The following TMC1 variants were observed in gnomAD, a reference collection of about 807,000 sequenced individuals.
TMC1 encodes the protein transmembrane channel-like protein 1.
Under a neutral mutation model 105.8 loss-of-function variants are expected in TMC1, and 84 were observed. The ratio of observed to expected loss-of-function variants is 0.79; its 90% CI spans 0.67 to 0.95. The LOEUF (loss-of-function observed/expected upper bound fraction) is 0.95, where lower values mean the gene tolerates loss of function less well. Ranked by LOEUF, TMC1 falls within the 40% of genes least tolerant of loss-of-function variation. TMC1 has a pLI of 0.00. For synonymous variants in TMC1, 315 were observed against 311.5 expected (o/e 1.01, Z -0.12); for missense variants, 817 against 914.1 (o/e 0.89, Z 1.37).
At chr9:72,555,973 C>CAAAA (rs59431883) in intron 1 of TMC1, among the ~76,000 whole-genome samples, 13 of 42,578 alleles carry the variant, frequency 3.1e-4, no homozygotes, top group Admixed American at 4.5e-4. Context: ...ATGACTAAGG[C>CAAAA]AAAAAAAAAA....
intron 5 of TMC1, among the ~76,000 whole-genome samples, chr9:72,686,754 G>A (rs1218325835): frequency 6.6e-6 from 1 of 152,160 alleles, no homozygotes; most frequent in Non-Finnish European, 1.5e-5. Flanking sequence ...ACCATGCACA[G>A]ACCAGAATCA....
At chr9:72,539,522 A>G (rs978353627) in intron 1 of TMC1, among the ~76,000 whole-genome samples, 2 of 151,180 alleles carry the variant, frequency 1.3e-5, no homozygotes, top group African/African-American at 4.9e-5. Flanking sequence ...TTTTTTTTCT[A>G]AAGCATAACA....
rs969018413 is a variant in TMC1, at chr9:72,575,098, A to G, written c.-427-2804A>G. On this transcript the variant is annotated intron_variant, in intron 1 of 23. Coordinates refer to ENST00000297784, the MANE Select transcript of TMC1 (RefSeq NM_138691.3). ...TTCACCTCCATCTTTCTACTTATAT[A>G]GAGACAAATAATAAGATGCTTGTAC... 3.3e-5 allele frequency among the ~76,000 whole-genome samples: 5 copies of G among 152,272 alleles called. No homozygotes were observed. In the East Asian group the frequency reaches 5.8e-4, roughly 18 times the overall value.
At chr9:72,615,519 C>T (rs907807096) in intron 2 of TMC1, among the ~76,000 whole-genome samples, 2 of 152,172 alleles carry the variant, frequency 1.3e-5, no homozygotes, top group African/African-American at 2.4e-5. Context: ...AAATAAGCTG[C>T]GTGATCTTAG....
chr9:72,698,029 T>C (rs986168747), intron 7 of TMC1, among the ~76,000 whole-genome samples: 4 of 151,902 alleles, frequency 2.6e-5, no homozygotes, highest in Admixed American at 2.6e-4. Context: ...CACATATCAT[T>C]CTAATTGGCA....
chr9:72,744,358 T>C (rs1827451720), intron 10 of TMC1, among the ~76,000 whole-genome samples: 1 of 152,190 alleles, frequency 6.6e-6, no homozygotes, highest in Non-Finnish European at 1.5e-5. Flanking sequence ...TTAATAAATA[T>C]GTATTGAATA....
At chr9:72,826,630 T>C (rs948700280) in intron 20 of TMC1, among the ~76,000 whole-genome samples, 3 of 152,258 alleles carry the variant, frequency 2.0e-5, no homozygotes, top group Non-Finnish European at 4.4e-5. Flanking sequence ...CTCCTAAATA[T>C]GTGGTTAATT....
intron 8 of TMC1, among the ~76,000 whole-genome samples, chr9:72,706,494 T>C (rs1213182846): frequency 1.3e-5 from 2 of 152,162 alleles, no homozygotes; most frequent in Non-Finnish European, 2.9e-5. Flanking sequence ...TCTTCTGTGA[T>C]GATTTATTAG....
chr9:72,574,706 C>T (rs1034408614), intron 1 of TMC1, among the ~76,000 whole-genome samples: 1 of 152,180 alleles, frequency 6.6e-6, no homozygotes, highest in African/African-American at 2.4e-5. Flanking sequence ...TACATGCATC[C>T]TTGCTCTGCA....
chr9:72,716,718 C>G (rs376722746), intron 8 of TMC1, among the ~76,000 whole-genome samples: 55 of 152,296 alleles, frequency 3.6e-4, no homozygotes, highest in African/African-American at 1.3e-3. Context: ...GTGGGACCCA[C>G]TGAGCCAGAC....
intron 1 of TMC1, among the ~76,000 whole-genome samples, chr9:72,560,327 A>G (rs918778783): frequency 6.6e-6 from 1 of 152,214 alleles, no homozygotes; most frequent in Non-Finnish European, 1.5e-5. Flanking sequence ...GAAATTCCAC[A>G]TGCATGTACA....
At chr9:72,821,366 G>T (rs1273399845) in intron 20 of TMC1, among the ~76,000 whole-genome samples, 1 of 152,080 alleles carries the variant, frequency 6.6e-6, no homozygotes. Flanking sequence ...GTCGCGTGTG[G>T]TGGTGGGTGC....
chr9:72,781,725 AT>A (rs1828096213), intron 13 of TMC1, among the ~76,000 whole-genome samples: 1 of 152,190 alleles, frequency 6.6e-6, no homozygotes, highest in Non-Finnish European at 1.5e-5. Flanking sequence ...AAATGGATAA[AT>A]TCCTGAAAAC....
intron 12 of TMC1, among the ~76,000 whole-genome samples, chr9:72,756,757 A>T (rs1378674601): frequency 1.3e-5 from 2 of 152,340 alleles, no homozygotes; most frequent in Non-Finnish European, 2.9e-5. Flanking sequence ...TGAAGTTTAA[A>T]TACTTCTGAA....
intron 5 of TMC1, among the ~76,000 whole-genome samples, chr9:72,659,233 A>G (rs1825932268): frequency 6.6e-6 from 1 of 152,220 alleles, no homozygotes; most frequent in African/African-American, 2.4e-5. Context: ...ATGAATCTGA[A>G]TTCTCAAAAT....
At chr9:72,808,050 A>G (rs1444324070) in intron 18 of TMC1, among the ~76,000 whole-genome samples, 1 of 152,168 alleles carries the variant, frequency 6.6e-6, no homozygotes, top group African/African-American at 2.4e-5. Context: ...CATCCTGGAA[A>G]ATATGACCTG....
intron 8 of TMC1, among the ~76,000 whole-genome samples, chr9:72,735,222 G>C (rs1321555360): frequency 6.6e-6 from 1 of 152,172 alleles, no homozygotes; most frequent in South Asian, 2.1e-4. Context: ...CCAGATTACA[G>C]TCTTGGCAGG....
At chr9:72,734,007 GA>G (rs1215127850) in intron 8 of TMC1, among the ~76,000 whole-genome samples, 2 of 152,150 alleles carry the variant, frequency 1.3e-5, no homozygotes, top group East Asian at 3.9e-4. Flanking sequence ...TAAGCATTGT[GA>G]TACTGTGACA....
intron 1 of TMC1, among the ~76,000 whole-genome samples, chr9:72,567,984 T>C (rs1824195897): frequency 6.6e-6 from 1 of 152,064 alleles, no homozygotes; most frequent in South Asian, 2.1e-4. Flanking sequence ...TCCATCCTTG[T>C]GGCCTGTGAG....
Sources: gnomAD v4.1 joint callset for allele counts (sites outside exome capture counted in the v4.1 genomes callset) on GRCh38, gnomAD v4.1.1 for gene constraint, MANE v1.5 for transcripts, NCBI Gene and HGNC (gene_info 2026-07-23, HGNC 2026-07-21) for gene names.